The following SPAG17 variants were observed in gnomAD, a reference collection of about 807,000 sequenced individuals.
The protein encoded by SPAG17 is sperm associated antigen 17.
In SPAG17, 169 loss-of-function variants were observed where a neutral mutation model predicts 273.6. The observed-to-expected ratio is 0.62, with a 90% CI of 0.55 to 0.70. The LOEUF is 0.70. SPAG17 is among the 30% of genes least tolerant of loss of function. The probability of loss-of-function intolerance (pLI) is 0.00; values close to 1 mark genes in which losing one functional copy is unlikely to be tolerated. For missense variants in SPAG17, 2,557 were observed against 2,627.8 expected (o/e 0.97, Z 0.59); for synonymous variants, 825 against 873.2 (o/e 0.94, Z 0.97).
Position 117,992,647 on chromosome 1 carries a change from TTC to T in SPAG17, c.5179-1_5179del, listed in dbSNP as rs1302517853. On this transcript the variant is annotated splice_acceptor_variant and coding_sequence_variant, in exon 36 of 49. Transcript: ENST00000336338. LOFTEE classifies it high-confidence loss of function. Reference sequence around the variant, plus strand: ...ACCAAACGGAGGTCCTGGAGTTTTTTTCTGTTAACAAAACAAAGCAATAACAC... The same window carrying T: ...ACCAAACGGAGGTCCTGGAGTTTTTTTGTTAACAAAACAAAGCAATAACAC... 2 of 1,583,718 alleles carry T rather than the reference TTC, an allele frequency of 1.3e-6. No homozygotes were observed. Among genetic ancestry groups the T allele is most frequent in the Non-Finnish European group, 1.7e-6 (2 of 1,169,710 alleles).
At chr1:118,045,164 C>T (rs1235519754) in intron 20 of SPAG17, among the ~76,000 whole-genome samples, 1 of 152,168 alleles carries the variant, frequency 6.6e-6, no homozygotes, top group Admixed American at 6.5e-5. Context: ...TGGCACAGAG[C>T]CCCTAAGTCC....
chr1:118,081,069 ACACAC>A, intron 15 of SPAG17, 27 bp downstream of exon 15: 1 of 1,448,342 alleles, frequency 6.9e-7, no homozygotes, highest in East Asian at 2.3e-5. Context: ...ACACACACAC[ACACAC>A]ACACACACAC....
At chr1:117,956,693 C>T (rs1239483522) in intron 48 of SPAG17, among the ~76,000 whole-genome samples, 1 of 152,054 alleles carries the variant, frequency 6.6e-6, no homozygotes, top group South Asian at 2.1e-4. Flanking sequence ...AATAGTGTAG[C>T]ATTGGTGTCA....
intron 17 of SPAG17, among the ~76,000 whole-genome samples, chr1:118,073,016 TG>T (rs1429151982): frequency 6.7e-6 from 1 of 149,926 alleles, no homozygotes; most frequent in Non-Finnish European, 1.5e-5. Context: ...TGGAGTGGGG[TG>T]GGGATGGGGG....
At chr1:117,976,657 T>C (rs1292826232) in intron 43 of SPAG17, among the ~76,000 whole-genome samples, 3 of 152,174 alleles carry the variant, frequency 2.0e-5, no homozygotes, top group African/African-American at 7.2e-5. Flanking sequence ...ATTCTTGGAA[T>C]ACACCTGAAC....
Position 117,972,743 on chromosome 1 carries a change from T to C in SPAG17, c.6141+682A>G, listed in dbSNP as rs199634407. Among the ~76,000 whole-genome samples, 38 of 151,688 alleles carry C rather than the reference T, an allele frequency of 2.5e-4. No individual in the cohort carries two copies. The East Asian group carries it at 3.5e-3, about 14-fold the overall frequency. On this transcript the variant is annotated intron_variant, in intron 44 of 48. Coordinates refer to ENST00000336338, the MANE Select transcript of SPAG17 (RefSeq NM_206996.4). Reference sequence around the variant, plus strand: ...ATATATATGTATATTACAATAAATTTTGTGATGAAGATGAACACAGTATGC... The same window carrying C: ...ATATATATGTATATTACAATAAATTCTGTGATGAAGATGAACACAGTATGC...
At chr1:118,148,891 G>C (rs977191149) in intron 3 of SPAG17, among the ~76,000 whole-genome samples, 3 of 152,214 alleles carry the variant, frequency 2.0e-5, no homozygotes, top group Admixed American at 6.5e-5. Flanking sequence ...CAGAGTGCTT[G>C]AGCAGGTCCT....
intron 43 of SPAG17, among the ~76,000 whole-genome samples, chr1:117,975,120 T>C (rs1654995027): frequency 6.6e-6 from 1 of 152,146 alleles, no homozygotes; most frequent in South Asian, 2.1e-4. Context: ...CTTAGGCCTT[T>C]ATGGTCATGA....
chr1:118,073,791 A>G, intron 17 of SPAG17, 63 bp downstream of exon 17: 1 of 1,109,156 alleles, frequency 9.0e-7, no homozygotes, highest in East Asian at 2.6e-5. Context: ...GAACTGTTCT[A>G]AATCACAGCA....
chr1:118,111,115 T>C (rs1298448615), intron 4 of SPAG17, among the ~76,000 whole-genome samples: 2 of 152,246 alleles, frequency 1.3e-5, no homozygotes, highest in Non-Finnish European at 2.9e-5. Context: ...TATTAGCTGC[T>C]ATAATCATAG....
At chr1:118,136,548 A>C (rs1031955530) in intron 3 of SPAG17, among the ~76,000 whole-genome samples, 1 of 152,136 alleles carries the variant, frequency 6.6e-6, no homozygotes, top group African/African-American at 2.4e-5. Context: ...TGTGGGGGCT[A>C]TTTTTGGACA....
At chr1:118,071,080 G>A (rs1653535728) in intron 17 of SPAG17, among the ~76,000 whole-genome samples, 1 of 151,368 alleles carries the variant, frequency 6.6e-6, no homozygotes, top group Non-Finnish European at 1.5e-5. Flanking sequence ...TACCAACAAT[G>A]GTGAGTCTCC....
At chr1:118,120,190 GTGA>G (rs1388088627) in intron 3 of SPAG17, among the ~76,000 whole-genome samples, 1 of 151,902 alleles carries the variant, frequency 6.6e-6, no homozygotes, top group Non-Finnish European at 1.5e-5. Context: ...TAGTTTTTCT[GTGA>G]TGATGAAAAT....
Position 118,031,841 on chromosome 1 carries a change from T to C in SPAG17, c.3460A>G (p.Ile1154Val), listed in dbSNP as rs758502420. The C allele has an allele frequency of 6.8e-6, 11 of 1,606,712 alleles. No homozygotes were observed. In the Admixed American group the frequency reaches 8.4e-5, roughly 12 times the overall value. The change falls in exon 25 of 49, where the codon ATA (isoleucine) becomes GTA (valine). Residue 1154 changes from isoleucine (I) to valine (V), a missense_variant. Transcript: ENST00000336338. ...GTGAGTGCTGAAGGGATATTCAATA[T>C]TGTTTCTAAATCAGGATCCTTATCT... ...PEDKDPDLET[I>V]LNIPSALTPT...
chr1:117,985,313 A>G (rs1384099749), intron 40 of SPAG17, among the ~76,000 whole-genome samples: 1 of 152,242 alleles, frequency 6.6e-6, no homozygotes, highest in Non-Finnish European at 1.5e-5. Flanking sequence ...GAGACATTAT[A>G]TAGGGAAAGC....
chr1:118,008,234 A>T (rs1260745524), intron 30 of SPAG17, 36 bp from the exon 31 acceptor site: 1 of 1,608,874 alleles, frequency 6.2e-7, no homozygotes, highest in Non-Finnish European at 8.5e-7. Context: ...ATCTGATAGG[A>T]TGTAGACATT....
At chr1:118,018,164 T>C (rs1660154176) in intron 28 of SPAG17, among the ~76,000 whole-genome samples, 1 of 152,158 alleles carries the variant, frequency 6.6e-6, no homozygotes. Flanking sequence ...CTTAGCATTG[T>C]GGGACTTAGG....
intron 13 of SPAG17, among the ~76,000 whole-genome samples, chr1:118,083,435 G>A (rs1051273175): frequency 4.6e-5 from 7 of 152,270 alleles, no homozygotes; most frequent in African/African-American, 1.7e-4. Context: ...GGGGTGGTGG[G>A]GGACTGGGCT....
At chr1:118,126,043 G>GTTTTTTTTTTTT (rs33966143) in intron 3 of SPAG17, among the ~76,000 whole-genome samples, 2 of 136,750 alleles carry the variant, frequency 1.5e-5, no homozygotes, top group Non-Finnish European at 1.5e-5. Flanking sequence ...GTTATTTTCT[G>GTTTTTTTTTTTT]TTTTTTTTTT....
Sources: allele counts gnomAD v4.1 joint callset (sites outside exome capture counted in the v4.1 genomes callset), GRCh38; gene constraint gnomAD v4.1.1; transcripts MANE v1.5; gene names NCBI Gene and HGNC (gene_info 2026-07-23, HGNC 2026-07-21).